The following LPCAT1 variants were observed in gnomAD, a reference collection of about 807,000 sequenced individuals.
LPCAT1 encodes the protein 1-acylglycerol-3-phosphate O-acyltransferase.
LPCAT1 carries 23 observed loss-of-function variants against 60.9 expected under a neutral mutation model. The ratio of observed to expected loss-of-function variants is 0.38; its 90% confidence interval spans 0.27 to 0.53. LPCAT1 has a LOEUF of 0.53. Ranked by LOEUF, LPCAT1 falls within the 20% of genes least tolerant of loss-of-function variation. LPCAT1 has a pLI of 0.82. For missense variants in LPCAT1, 622 were observed against 723.6 expected (o/e 0.86, Z 1.61); for synonymous variants, 340 against 301.1 (o/e 1.13, Z -1.34).
intron 3 of LPCAT1, among the ~76,000 whole-genome samples, chr5:1,492,758 C>T (rs770766864): frequency 5.9e-5 from 9 of 152,170 alleles, no homozygotes; most frequent in South Asian, 2.1e-4. Context: ...CCAGCATCAC[C>T]GCACCAAACA....
chr5:1,474,074 T>C lies in LPCAT1; in HGVS notation c.1062A>G (p.Arg354=). The C allele has an allele frequency of 6.2e-7, 1 of 1,613,736 alleles. No homozygotes were observed. The stretch of plus-strand genomic sequence containing the variant: ...CCTTCATCCTGGCTCTTTCTGAGTA[T>C]CTGTCCAGATCTTTTTCAAGCTTTT... The part of the protein sequence containing the change: ...KPEKLEKDLD[R]YSERARMKGG... The change falls in exon 11 of 14, where the codon AGA becomes AGG. Residue 354 remains arginine (R), a synonymous_variant. Coordinates refer to ENST00000283415, the MANE Select transcript of LPCAT1 (RefSeq NM_024830.5).
intron 13 of LPCAT1, 79 bp downstream of exon 13, chr5:1,466,670 C>G: frequency 1.4e-6 from 2 of 1,454,400 alleles, no homozygotes; most frequent in South Asian, 1.4e-5. Flanking sequence ...CTGTCCTGGG[C>G]TCCCACGGAG....
At chr5:1,490,985 G>A (rs866299066) in intron 3 of LPCAT1, among the ~76,000 whole-genome samples, 4 of 151,840 alleles carry the variant, frequency 2.6e-5, no homozygotes, top group African/African-American at 4.8e-5. Flanking sequence ...TTTTCTTAGC[G>A]TTTTTATTAC....
intron 3 of LPCAT1, among the ~76,000 whole-genome samples, chr5:1,493,505 C>T (rs551148861): frequency 6.6e-6 from 1 of 152,366 alleles, no homozygotes; most frequent in African/African-American, 2.4e-5. Context: ...CAGGAGTGGC[C>T]AGGTGAGGGC....
At chr5:1,510,187 CAGG>C (rs1225233848) in intron 1 of LPCAT1, among the ~76,000 whole-genome samples, 6 of 152,328 alleles carry the variant, frequency 3.9e-5, no homozygotes, top group African/African-American at 4.8e-5. Context: ...CGTGTGACTG[CAGG>C]AGGATCTGCG....
chr5:1,479,514 C>T, intron 8 of LPCAT1, 107 bp downstream of exon 8: 1 of 822,854 alleles, frequency 1.2e-6, no homozygotes, highest in Non-Finnish European at 2.1e-6. Flanking sequence ...GAAAGCAAGA[C>T]AGGTGATATG....
intron 3 of LPCAT1, among the ~76,000 whole-genome samples, chr5:1,493,297 G>GC (rs1220635211): frequency 2.6e-5 from 4 of 152,206 alleles, no homozygotes. Context: ...GCTGCTGCAG[G>GC]CCCAATCCCC....
chr5:1,503,440 C>T (rs1208596448), intron 1 of LPCAT1, among the ~76,000 whole-genome samples: 1 of 152,214 alleles, frequency 6.6e-6, no homozygotes, highest in Admixed American at 6.5e-5. Flanking sequence ...GGGAGAGCCA[C>T]GTGCTGCACC....
At chr5:1,465,957 G>A (rs935740680) in intron 13 of LPCAT1, among the ~76,000 whole-genome samples, 3 of 152,228 alleles carry the variant, frequency 2.0e-5, no homozygotes, top group African/African-American at 7.2e-5. Flanking sequence ...ACTGAAACCA[G>A]TGCGCACATC....
chr5:1,479,809 G>A (rs1028801139), intron 7 of LPCAT1, 134 bp from the exon 8 acceptor site: 8 of 691,092 alleles, frequency 1.2e-5, no homozygotes, highest in Middle Eastern at 4.9e-4. Context: ...TCCCACGGAG[G>A]GGGTGCCGTG....
chr5:1,486,577 C>T (rs958023597), intron 5 of LPCAT1, among the ~76,000 whole-genome samples: 13 of 152,086 alleles, frequency 8.5e-5, no homozygotes, highest in Non-Finnish European at 1.6e-4. Flanking sequence ...GCAGCTGGAG[C>T]CCAAGGCAGC....
intron 2 of LPCAT1, among the ~76,000 whole-genome samples, chr5:1,500,167 AT>A (rs1735952960): frequency 6.6e-6 from 1 of 152,386 alleles, no homozygotes; most frequent in African/African-American, 2.4e-5. Flanking sequence ...CTGTTTCTGA[AT>A]AAAAGATTCA....
At chr5:1,498,729 CACAT>C (rs1735896207) in intron 2 of LPCAT1, among the ~76,000 whole-genome samples, 1 of 152,146 alleles carries the variant, frequency 6.6e-6, no homozygotes, top group Non-Finnish European at 1.5e-5. Flanking sequence ...CATCCATCCA[CACAT>C]ATATACATGC....
chr5:1,502,170 A>C lies in LPCAT1; in HGVS notation c.136-567T>G, dbSNP rs36984. 0.26 allele frequency among the ~76,000 whole-genome samples: 39,547 copies of C among 151,992 alleles called. 6,095 individuals are homozygous for C. The highest frequency in any genetic ancestry group is 0.34 in the Non-Finnish European group (23,390 of 67,920). On this transcript the variant is annotated intron_variant, in intron 1 of 13. Transcript: ENST00000283415. The surrounding 1 kb of genome is among the most constrained non-coding windows in gnomAD (Gnocchi z 5.5). ...GAGTGGCTTGGGAAAGACACAGTGG[A>C]GCTTCCTCCTGCAAATTCAAGGGCC...
intron 1 of LPCAT1, among the ~76,000 whole-genome samples, chr5:1,504,842 T>A (rs1736134516): frequency 6.6e-6 from 1 of 152,132 alleles, no homozygotes; most frequent in Non-Finnish European, 1.5e-5. Context: ...TAAGAGAAAG[T>A]CTCAGGAAGT....
rs1017412133 is a variant in LPCAT1, at chr5:1,502,744, A to C, written c.136-1141T>G. ...AGACACAGATCGCAGTTGGCTCCCC[A>C]AGCAGCAGCCATCCCTAATTTCTGA... On this transcript the variant is annotated intron_variant, in intron 1 of 13. Coordinates refer to ENST00000283415, the MANE Select transcript of LPCAT1 (RefSeq NM_024830.5). The surrounding 1 kb of genome is among the most constrained non-coding windows in gnomAD (Gnocchi z 5.5). 1.3e-5 allele frequency among the ~76,000 whole-genome samples: 2 copies of C among 152,090 alleles called. No homozygotes were observed. Among genetic ancestry groups the C allele is most frequent in the African/African-American group, 4.8e-5 (2 of 41,406 alleles).
In LPCAT1 at chr5:1,496,728, T is replaced by C. The variant is rs1481945605; in HGVS notation, c.279-1814A>G. Among the ~76,000 whole-genome samples the C allele has an allele frequency of 6.6e-6, 1 of 152,158 alleles. No individual in the cohort carries two copies. The highest frequency in any genetic ancestry group is 1.5e-5 in the Non-Finnish European group (1 of 68,024). On this transcript the variant is annotated intron_variant, in intron 2 of 13. Transcript: ENST00000283415. This position sits in a 1 kb window ranked among gnomAD's most constrained non-coding sequence, Gnocchi z 4.7. ...CAGCCTCAGCTCTTCTCTAAAGATC[T>C]TGGAGGAATTTTATACCCAAACTAT...
chr5:1,472,799 C>T (rs1734737550), intron 11 of LPCAT1, among the ~76,000 whole-genome samples: 1 of 151,988 alleles, frequency 6.6e-6, no homozygotes, highest in Non-Finnish European at 1.5e-5. Context: ...CGGCTGGGGG[C>T]CCCTTACGGA....
chr5:1,462,706 G>A lies in LPCAT1; in HGVS notation c.*945C>T, dbSNP rs1443412828. 2.6e-5 allele frequency: 4 copies of A among 152,282 alleles called. No individual in the cohort carries two copies. The highest frequency in any genetic ancestry group is 5.9e-5 in the Non-Finnish European group (4 of 68,070). The allele number at this position is 152,282 out of a possible 1,614,324, so 9.4% of individuals were successfully genotyped here. ...CCTGAGGGCAAGGGAGGAGCGGCAC[G>A]GCGGCGGCTGCCTTGCGCTTCCAGC... On this transcript the variant is annotated 3_prime_UTR_variant, in exon 14 of 14. Coordinates refer to ENST00000283415, the MANE Select transcript of LPCAT1 (RefSeq NM_024830.5).
Sources: gnomAD v4.1 joint callset for allele counts (sites outside exome capture counted in the v4.1 genomes callset) on GRCh38, gnomAD v4.1.1 for gene constraint, Gnocchi (gnomAD v3.1) non-coding constraint, MANE v1.5 for transcripts, NCBI Gene and HGNC (gene_info 2026-07-23, HGNC 2026-07-21) for gene names.